TRPM7: variants seen among roughly 807,000 people sequenced by gnomAD.
The protein encoded by TRPM7 is LTRPC ion channel family member 7.
TRPM7 carries 134 observed loss-of-function variants against 229.7 expected under a neutral mutation model. The observed-to-expected ratio is 0.58, with a 90% CI of 0.51 to 0.67. TRPM7 has a LOEUF of 0.67. Ranked by LOEUF, TRPM7 falls within the 30% of genes least tolerant of loss-of-function variation. The probability of loss-of-function intolerance (pLI) is 0.00; values close to 1 mark genes in which losing one functional copy is unlikely to be tolerated. For missense variants in TRPM7, 1,901 were observed against 2,210.0 expected (o/e 0.86, Z 2.80); for synonymous variants, 699 against 715.2 (o/e 0.98, Z 0.36).
At chr15:50,683,533 G>A (rs891623056) in intron 1 of TRPM7, among the ~76,000 whole-genome samples, 1 of 151,880 alleles carries the variant, frequency 6.6e-6, no homozygotes, top group African/African-American at 2.4e-5. Context: ...TCAGGAGTTT[G>A]AGACCAGCCT....
rs78286461 is a variant in TRPM7, at chr15:50,586,443, C to A, written c.4435G>T (p.Ala1479Ser). Residue 1479 changes from alanine to serine, a missense_variant, in exon 28 of 39, where the codon GCT (alanine) becomes TCT (serine). Physicochemically the swap from Ala to Ser is moderately conservative, Grantham distance 99. Coordinates refer to ENST00000646667, the MANE Select transcript of TRPM7 (RefSeq NM_017672.6). The part of the protein sequence containing the change: ...ENTLKRVSSL[A>S]GFTDCHRTSI... The stretch of plus-strand genomic sequence containing the variant: ...GTTCTGTGACAGTCAGTAAATCCAG[C>A]AAGAGAACTCACTCGTTTCAAAGTG... 6.5e-5 allele frequency: 105 copies of A among 1,613,342 alleles called. No individual in the cohort carries two copies. In the East Asian group the frequency reaches 2.3e-3, roughly 35 times the overall value.
At chr15:50,621,197 C>T (rs1001479962) in intron 12 of TRPM7, among the ~76,000 whole-genome samples, 3 of 147,160 alleles carry the variant, frequency 2.0e-5, no homozygotes, top group African/African-American at 5.0e-5. Flanking sequence ...TTTATTTAGT[C>T]GATCAACTCA....
At chr15:50,589,548 T>C in intron 27 of TRPM7, 44 bp downstream of exon 27, 1 of 1,327,456 alleles carries the variant, frequency 7.5e-7, no homozygotes, top group Non-Finnish European at 1.1e-6. Flanking sequence ...ATCAAGACAG[T>C]AAAATAAATA....
At chr15:50,604,688 T>C in intron 21 of TRPM7, 178 bp downstream of exon 21, 1 of 603,168 alleles carries the variant, frequency 1.7e-6, no homozygotes, top group Non-Finnish European at 2.9e-6. Flanking sequence ...TAAATGGGTA[T>C]AGGGGATTGG....
intron 3 of TRPM7, among the ~76,000 whole-genome samples, chr15:50,657,229 CAGG>C (rs1305958641): frequency 1.3e-5 from 2 of 152,242 alleles, no homozygotes; most frequent in African/African-American, 2.4e-5. Context: ...GAGGCTGAGG[CAGG>C]AGAATTGCTT....
At chr15:50,666,030 G>A (rs1282101232) in intron 1 of TRPM7, among the ~76,000 whole-genome samples, 2 of 151,936 alleles carry the variant, frequency 1.3e-5, no homozygotes, top group African/African-American at 4.8e-5. Context: ...GAAAATTAAT[G>A]AGCTAACTCT....
At chr15:50,589,493 C>T (rs964809231) in intron 27 of TRPM7, 99 bp downstream of exon 27, 5 of 835,772 alleles carry the variant, frequency 6.0e-6, no homozygotes, top group African/African-American at 3.5e-5. Context: ...TCTGCTAAAA[C>T]TGTATTTTTG....
intron 27 of TRPM7, among the ~76,000 whole-genome samples, chr15:50,589,283 C>T (rs1461525201): frequency 7.4e-6 from 1 of 134,714 alleles, no homozygotes; most frequent in East Asian, 2.3e-4. Context: ...GATCACACCA[C>T]TGTACTCCAG....
chr15:50,635,922 C>T (rs1016426717), intron 7 of TRPM7, among the ~76,000 whole-genome samples: 3 of 149,578 alleles, frequency 2.0e-5, no homozygotes, highest in East Asian at 2.0e-4. Context: ...GAGGTTGCAG[C>T]GAGGTGAGAT....
At chr15:50,585,674 G>A (rs1409017426) in intron 28 of TRPM7, among the ~76,000 whole-genome samples, 3 of 152,164 alleles carry the variant, frequency 2.0e-5, no homozygotes, top group Admixed American at 1.3e-4. Context: ...GTCATAATAT[G>A]CATTGCTGAA....
chr15:50,676,974 C>G (rs2062108291), intron 1 of TRPM7, among the ~76,000 whole-genome samples: 1 of 152,124 alleles, frequency 6.6e-6, no homozygotes, highest in Non-Finnish European at 1.5e-5. Context: ...TTCCTGCTGC[C>G]CATTGTAGGA....
intron 38 of TRPM7, among the ~76,000 whole-genome samples, chr15:50,567,810 C>T (rs1179429235): frequency 6.6e-6 from 1 of 151,948 alleles, no homozygotes; most frequent in Non-Finnish European, 1.5e-5. Context: ...AGGAGTAGGC[C>T]GGGCACGGTG....
intron 2 of TRPM7, among the ~76,000 whole-genome samples, chr15:50,658,257 G>T (rs759869725): frequency 3.3e-5 from 5 of 151,814 alleles, no homozygotes; most frequent in Admixed American, 6.6e-5. Flanking sequence ...CACCTGCCTC[G>T]GCCTCCCAAA....
intron 5 of TRPM7, among the ~76,000 whole-genome samples, chr15:50,640,448 T>C (rs1017035686): frequency 4.8e-5 from 7 of 147,118 alleles, no homozygotes; most frequent in African/African-American, 1.5e-4. Flanking sequence ...GGGTAATTTT[T>C]TTTTCTTTTT....
At chr15:50,666,233 T>C (rs1270403697) in intron 1 of TRPM7, among the ~76,000 whole-genome samples, 1 of 152,150 alleles carries the variant, frequency 6.6e-6, no homozygotes, top group Admixed American at 6.5e-5. Flanking sequence ...GTCCAGGAGT[T>C]TGAGACCAGC....
intron 22 of TRPM7, 29 bp from the exon 23 acceptor site, chr15:50,596,410 A>T: frequency 1.3e-6 from 2 of 1,518,968 alleles, no homozygotes; most frequent in Non-Finnish European, 1.8e-6. Flanking sequence ...AAAAAAACAA[A>T]AACAACTTAA....
chr15:50,677,763 A>C (rs1332931147), intron 1 of TRPM7, among the ~76,000 whole-genome samples: 1 of 150,308 alleles, frequency 6.7e-6, no homozygotes, highest in Admixed American at 6.7e-5. Context: ...AAAAAAAACA[A>C]AAGGTAACCC....
intron 2 of TRPM7, among the ~76,000 whole-genome samples, chr15:50,659,685 T>TC (rs398118843): frequency 2.0e-5 from 3 of 151,960 alleles, no homozygotes; most frequent in African/African-American, 7.2e-5. Flanking sequence ...CTTTTTTTTT[T>TC]GAGATGGAGT....
chr15:50,576,280 C>T (rs967018830), intron 31 of TRPM7, among the ~76,000 whole-genome samples: 1 of 152,086 alleles, frequency 6.6e-6, no homozygotes, highest in Non-Finnish European at 1.5e-5. Context: ...AGCAGGTCTA[C>T]CATGAGAAGA....
Sources: gnomAD v4.1 joint callset for allele counts (sites outside exome capture counted in the v4.1 genomes callset) on GRCh38, gnomAD v4.1.1 for gene constraint, MANE v1.5 for transcripts, NCBI Gene and HGNC (gene_info 2026-07-23, HGNC 2026-07-21) for gene names.